TSPEAR: variants seen among roughly 807,000 people sequenced by gnomAD.
The protein encoded by TSPEAR is thrombospondin-type laminin G domain and EAR repeat-containing protein.
TSPEAR carries 69 observed loss-of-function variants against 71.6 expected under a neutral mutation model. That is an observed-to-expected ratio of 0.96 (90% CI 0.79 to 1.18). TSPEAR has a LOEUF of 1.18. Ranked by LOEUF, TSPEAR falls within the 50% of genes most tolerant of loss-of-function variation. The probability of loss-of-function intolerance (pLI) is 0.00; values close to 1 mark genes in which losing one functional copy is unlikely to be tolerated. For missense variants in TSPEAR, 971 were observed against 894.9 expected (o/e 1.09, Z -1.09); for synonymous variants, 402 against 387.2 (o/e 1.04, Z -0.45).
At chr21:44,507,867 C>T (rs2052239724) in intron 10 of TSPEAR, among the ~76,000 whole-genome samples, 2 of 152,260 alleles carry the variant, frequency 1.3e-5, no homozygotes, top group South Asian at 2.1e-4. Flanking sequence ...CCATGGCTGC[C>T]AGGCCACGCA....
chr21:44,645,762 C>A (rs62219777), intron 1 of TSPEAR, among the ~76,000 whole-genome samples: 110,937 of 151,512 alleles, frequency 0.73, 40,696 homozygotes, highest in African/African-American at 0.76. Context: ...TCTAATCAGT[C>A]CAGAAACAGG....
At chr21:44,577,841 G>T (rs1323959613) in intron 1 of TSPEAR, among the ~76,000 whole-genome samples, 1 of 152,186 alleles carries the variant, frequency 6.6e-6, no homozygotes, top group Non-Finnish European at 1.5e-5. Flanking sequence ...ACCAATATCG[G>T]ATGTTATGGT....
At chr21:44,647,454 C>T (rs1984509716) in intron 1 of TSPEAR, 1 of 1,356,168 alleles carries the variant, frequency 7.4e-7, no homozygotes, top group Non-Finnish European at 1.0e-6. Context: ...CCAGCTCCAT[C>T]AGTAGCCACA....
chr21:44,631,998 G>T (rs908817323), intron 1 of TSPEAR, among the ~76,000 whole-genome samples: 5 of 152,178 alleles, frequency 3.3e-5, no homozygotes, highest in African/African-American at 1.2e-4. Flanking sequence ...AAGACGGATG[G>T]TGGCAATGAC....
Position 44,612,358 on chromosome 21 carries a change from C to A in TSPEAR, c.83-44353G>T, listed in dbSNP as rs782663747. ...CAGTGAGCTGTGAGCCCAGCCCCTG[C>A]CAATCAGGCTGCACCGACTCCTGCA... On this transcript the variant is annotated intron_variant, in intron 1 of 11. Transcript: ENST00000323084. This position sits in a 1 kb window ranked among gnomAD's most constrained non-coding sequence, Gnocchi z 4.1. 6 of 1,613,812 alleles carry A rather than the reference C, an allele frequency of 3.7e-6. No homozygotes were observed. In the Admixed American group the frequency reaches 6.7e-5, roughly 18 times the overall value.
intron 2 of TSPEAR, among the ~76,000 whole-genome samples, chr21:44,534,541 G>A (rs2053055250): frequency 6.6e-6 from 1 of 151,918 alleles, no homozygotes; most frequent in South Asian, 2.1e-4. Flanking sequence ...CTGGCGCCAG[G>A]CCGTAGGGAC....
At chr21:44,591,372 T>C (rs1979811955) in intron 1 of TSPEAR, 1 of 1,586,914 alleles carries the variant, frequency 6.3e-7, no homozygotes, top group Non-Finnish European at 8.6e-7. Flanking sequence ...GGACTCCGGA[T>C]CACATCCAGG....
At chr21:44,503,823 G>A (rs1601316529) in intron 11 of TSPEAR, among the ~76,000 whole-genome samples, 3 of 140,228 alleles carry the variant, frequency 2.1e-5, no homozygotes, top group African/African-American at 5.5e-5. Context: ...GGGAAGCAAG[G>A]CGCTGGGAGG....
intron 1 of TSPEAR, among the ~76,000 whole-genome samples, chr21:44,706,100 T>A (rs1020677086): frequency 2.0e-5 from 3 of 152,208 alleles, no homozygotes; most frequent in Non-Finnish European, 4.4e-5. Flanking sequence ...AACCCCCAGC[T>A]GCAGATCGAG....
At chr21:44,503,412 C>T (rs1257089736) in intron 11 of TSPEAR, among the ~76,000 whole-genome samples, 3 of 115,524 alleles carry the variant, frequency 2.6e-5, no homozygotes, top group East Asian at 2.8e-4. Context: ...GGGAGGAGGC[C>T]GGAGTTGGTG....
intron 2 of TSPEAR, among the ~76,000 whole-genome samples, chr21:44,561,679 G>T (rs117821009): frequency 6.6e-6 from 1 of 151,988 alleles, no homozygotes; most frequent in Non-Finnish European, 1.5e-5. Context: ...GCTCAACATA[G>T]GCAAATCGAT....
intron 2 of TSPEAR, among the ~76,000 whole-genome samples, chr21:44,543,931 A>C (rs587701995): frequency 1.3e-5 from 2 of 152,370 alleles, no homozygotes; most frequent in East Asian, 3.9e-4. Flanking sequence ...AAAAAAACTT[A>C]AAACAGTCAA....
intron 1 of TSPEAR, among the ~76,000 whole-genome samples, chr21:44,576,241 A>C (rs1232943222): frequency 6.6e-6 from 1 of 152,208 alleles, no homozygotes; most frequent in Non-Finnish European, 1.5e-5. Flanking sequence ...ACACGGAGTC[A>C]CAGTCCCGGA....
At chr21:44,558,360 C>T (rs1262977009) in intron 2 of TSPEAR, 6 of 1,612,576 alleles carry the variant, frequency 3.7e-6, no homozygotes, top group Non-Finnish European at 4.2e-6. Context: ...GGGCTTGCAG[C>T]AGACAGGCTT....
rs1359079555 is a variant in TSPEAR at position 44,506,252 on chromosome 21, C to T, written c.1755-1371G>A. Among the ~76,000 whole-genome samples the T allele has an allele frequency of 2.0e-5, 3 of 152,268 alleles. No individual in the cohort carries two copies. The highest frequency in any genetic ancestry group is 2.9e-5 in the Non-Finnish European group (2 of 68,042). ...TTGAGGGGTCTGAGGAGCGGCTCCCCTGGATCCTTTCCTCCCCAGGAGCCC... is the reference window on the plus strand; with the variant it reads ...TTGAGGGGTCTGAGGAGCGGCTCCCTTGGATCCTTTCCTCCCCAGGAGCCC... On this transcript the variant is annotated intron_variant, in intron 10 of 11. Transcript: ENST00000323084. This position sits in a 1 kb window ranked among gnomAD's most constrained non-coding sequence, Gnocchi z 4.2.
chr21:44,508,807 G>A, intron 10 of TSPEAR: 1 of 1,336,966 alleles, frequency 7.5e-7, no homozygotes. Flanking sequence ...GGTGGCAGCT[G>A]GCACTGGCAG....
intron 1 of TSPEAR, among the ~76,000 whole-genome samples, chr21:44,662,350 A>G (rs2146268289): frequency 6.6e-6 from 1 of 152,320 alleles, no homozygotes; most frequent in South Asian, 2.1e-4. Context: ...CTATATTAAT[A>G]TCAAAGTCAA....
intron 2 of TSPEAR, 60 bp downstream of exon 2, chr21:44,567,725 G>A (rs1003070680): frequency 1.9e-5 from 28 of 1,445,654 alleles, no homozygotes; most frequent in Non-Finnish European, 2.6e-5. Context: ...CGTTGGTACT[G>A]GGAACCTCAC....
intron 1 of TSPEAR, among the ~76,000 whole-genome samples, chr21:44,626,931 C>T (rs1453942225): frequency 2.6e-5 from 4 of 152,114 alleles, no homozygotes; most frequent in Non-Finnish European, 5.9e-5. Context: ...CAGACTATAG[C>T]CCAGGTGTGA....
Sources: allele counts gnomAD v4.1 joint callset (sites outside exome capture counted in the v4.1 genomes callset), GRCh38; gene constraint gnomAD v4.1.1; non-coding constraint Gnocchi (gnomAD v3.1); transcripts MANE v1.5; gene names NCBI Gene and HGNC (gene_info 2026-07-23, HGNC 2026-07-21).